Variants in KCNB2 observed in about 807,000 individuals in gnomAD.
KCNB2 encodes the protein potassium voltage-gated channel subfamily B member 2.
In KCNB2, 15 loss-of-function variants were observed where a neutral mutation model predicts 61.5. The ratio of observed to expected loss-of-function variants is 0.24; its 90% confidence interval spans 0.16 to 0.38. The LOEUF is 0.38. Among genes scored for constraint, KCNB2 ranks in the 10% least tolerant of loss-of-function variants. The probability of loss-of-function intolerance (pLI) is 1.00; values close to 1 mark genes in which losing one functional copy is unlikely to be tolerated. For synonymous variants in KCNB2, 457 were observed against 446.0 expected (o/e 1.02, Z -0.31); for missense variants, 828 against 1,125.2 (o/e 0.74, Z 3.78).
At chr8:72,825,678 G>C (rs949162043) in intron 2 of KCNB2, among the ~76,000 whole-genome samples, 3 of 152,152 alleles carry the variant, frequency 2.0e-5, no homozygotes, top group Non-Finnish European at 4.4e-5. Flanking sequence ...GTGCTTACTG[G>C]CCATTTGTAT....
At chr8:72,852,834 C>T (rs1212870510) in intron 2 of KCNB2, among the ~76,000 whole-genome samples, 1 of 152,180 alleles carries the variant, frequency 6.6e-6, no homozygotes, top group Non-Finnish European at 1.5e-5. Flanking sequence ...CTGGATTTCT[C>T]ATACATAGAA....
intron 1 of KCNB2, among the ~76,000 whole-genome samples, chr8:72,562,060 A>C (rs1449945751): frequency 6.6e-6 from 1 of 151,874 alleles, no homozygotes; most frequent in Non-Finnish European, 1.5e-5. Flanking sequence ...CTATATATGG[A>C]GTGATACAGA....
intron 2 of KCNB2, among the ~76,000 whole-genome samples, chr8:72,729,501 C>T (rs1029225960): frequency 6.6e-6 from 1 of 152,204 alleles, no homozygotes; most frequent in Non-Finnish European, 1.5e-5. Context: ...CCAGAACATC[C>T]TTTCCTCTTA....
chr8:72,931,119 A>G (rs2129009034), intron 2 of KCNB2, among the ~76,000 whole-genome samples: 1 of 152,220 alleles, frequency 6.6e-6, no homozygotes, highest in South Asian at 2.1e-4. Context: ...GATGTGTGGT[A>G]TTATTTCTGA....
At chr8:72,872,442 TGTG>T (rs1197837510) in intron 2 of KCNB2, among the ~76,000 whole-genome samples, 3 of 152,182 alleles carry the variant, frequency 2.0e-5, no homozygotes, top group Admixed American at 6.5e-5. Flanking sequence ...TCACTTCTAA[TGTG>T]GTGGTGGTTT....
chr8:72,584,108 AAAAAAAACAG>A (rs777455500), intron 2 of KCNB2, among the ~76,000 whole-genome samples: 2 of 148,990 alleles, frequency 1.3e-5, no homozygotes, highest in Non-Finnish European at 3.0e-5. Context: ...AAACAAAACA[AAAAAAAACAG>A]AAAAAAACCG....
chr8:72,606,258 A>G (rs953809916), intron 2 of KCNB2, among the ~76,000 whole-genome samples: 1 of 152,178 alleles, frequency 6.6e-6, no homozygotes. Context: ...AAAAACTAGA[A>G]GCAATTATAG....
chr8:72,827,295 T>TC (rs1387841142), intron 2 of KCNB2, among the ~76,000 whole-genome samples: 4 of 152,170 alleles, frequency 2.6e-5, no homozygotes, highest in Non-Finnish European at 5.9e-5. Context: ...GAGATTTTTT[T>TC]CCCACAAGAA....
At chr8:72,781,072 T>C (rs1298671572) in intron 2 of KCNB2, among the ~76,000 whole-genome samples, 4 of 152,202 alleles carry the variant, frequency 2.6e-5, no homozygotes, top group African/African-American at 7.2e-5. Flanking sequence ...ATGGGGTTGT[T>C]TTTTTCTTCT....
chr8:72,684,215 T>A (rs1033607357), intron 2 of KCNB2, among the ~76,000 whole-genome samples: 4 of 152,206 alleles, frequency 2.6e-5, no homozygotes, highest in African/African-American at 9.7e-5. Context: ...GCTTTCAAGT[T>A]CCTGGCTTGA....
chr8:72,811,168 T>A (rs1809300950), intron 2 of KCNB2, among the ~76,000 whole-genome samples: 1 of 151,896 alleles, frequency 6.6e-6, no homozygotes, highest in Non-Finnish European at 1.5e-5. Flanking sequence ...TTTTTTTTTT[T>A]TTTAACCTTC....
At chr8:72,889,531 T>C (rs1159031554) in intron 2 of KCNB2, among the ~76,000 whole-genome samples, 3 of 151,726 alleles carry the variant, frequency 2.0e-5, no homozygotes, top group African/African-American at 7.3e-5. Flanking sequence ...CTACAAAAAA[T>C]AAAAATTTCA....
At chr8:72,898,858 C>G (rs1806035726) in intron 2 of KCNB2, among the ~76,000 whole-genome samples, 1 of 152,070 alleles carries the variant, frequency 6.6e-6, no homozygotes, top group South Asian at 2.1e-4. Context: ...TCCATGGTAC[C>G]CAATGTTTAG....
chr8:72,587,423 C>A (rs1807016928), intron 2 of KCNB2, among the ~76,000 whole-genome samples: 1 of 152,074 alleles, frequency 6.6e-6, no homozygotes, highest in South Asian at 2.1e-4. Context: ...TAGTCTTAGT[C>A]CAAATATTGA....
chr8:72,539,046 GTTT>G, intron 1 of KCNB2, among the ~76,000 whole-genome samples: 1 of 146,780 alleles, frequency 6.8e-6, no homozygotes, highest in Admixed American at 7.0e-5. Context: ...ATAAAGTTTT[GTTT>G]TATCTATTTC....
intron 2 of KCNB2, among the ~76,000 whole-genome samples, chr8:72,918,823 A>G (rs1325863232): frequency 6.6e-6 from 1 of 152,146 alleles, no homozygotes; most frequent in Non-Finnish European, 1.5e-5. Flanking sequence ...GTGCTATTGT[A>G]ATATAATGTG....
intron 2 of KCNB2, chr8:72,749,289 T>G (rs1808142840): frequency 6.6e-6 from 1 of 152,012 alleles, no homozygotes; most frequent in Non-Finnish European, 1.5e-5. Context: ...CTGCTAATTT[T>G]TTTTTCTTTT....
intron 2 of KCNB2, among the ~76,000 whole-genome samples, chr8:72,898,136 A>C (rs553976167): frequency 7.2e-4 from 110 of 152,250 alleles, no homozygotes; most frequent in Non-Finnish European, 1.4e-3. Flanking sequence ...GAGGATTCGC[A>C]TGTCTAACAA....
chr8:72,889,276 A>G (rs1472668374), intron 2 of KCNB2, among the ~76,000 whole-genome samples: 1 of 152,198 alleles, frequency 6.6e-6, no homozygotes, highest in Non-Finnish European at 1.5e-5. Flanking sequence ...GAGGCTAAAT[A>G]ACTTATGATC....
Sources: allele counts gnomAD v4.1 joint callset (sites outside exome capture counted in the v4.1 genomes callset), GRCh38; gene constraint gnomAD v4.1.1; transcripts MANE v1.5; gene names NCBI Gene and HGNC (gene_info 2026-07-23, HGNC 2026-07-21).